Variants in TRAPPC9 observed in about 807,000 individuals in gnomAD.
TRAPPC9 encodes the protein trafficking protein particle complex subunit 9, also known as IKK2 binding protein.
In TRAPPC9, 83 loss-of-function variants were observed where a neutral mutation model predicts 124.0. That is an observed-to-expected ratio of 0.67 (90% CI 0.56 to 0.80). The LOEUF is 0.80. TRAPPC9 is among the 30% of genes least tolerant of loss of function. TRAPPC9 has a pLI of 0.00. For missense variants in TRAPPC9, 1,302 were observed against 1,508.3 expected (o/e 0.86, Z 2.27); for synonymous variants, 638 against 617.5 (o/e 1.03, Z -0.49).
rs762327341 is a variant in TRAPPC9, at chr8:140,439,340, C to A, written c.585-143G>T. On this transcript the variant is annotated intron_variant, in intron 2 of 22. Coordinates refer to ENST00000438773, the MANE Select transcript of TRAPPC9 (RefSeq NM_001160372.4). ...TCTATAATTTTAAGTCAGCAATAATCATTGCCAGTTATGTGAGCTGGAGTG... is the reference window on the plus strand; with the variant it reads ...TCTATAATTTTAAGTCAGCAATAATAATTGCCAGTTATGTGAGCTGGAGTG... 1.4e-5 allele frequency: 13 copies of A among 930,590 alleles called. No individual in the cohort carries two copies. The Admixed American group carries it at 3.0e-4, about 22-fold the overall frequency. The allele number at this position is 930,590 out of a possible 1,614,324, so 57.6% of individuals were successfully genotyped here.
At chr8:140,205,050 G>A (rs2062888698) in intron 17 of TRAPPC9, among the ~76,000 whole-genome samples, 1 of 152,092 alleles carries the variant, frequency 6.6e-6, no homozygotes, top group Admixed American at 6.6e-5. Flanking sequence ...CAGAGAAAAG[G>A]AAAGAAAAAG....
chr8:140,038,867 C>T (rs35758124), intron 17 of TRAPPC9, among the ~76,000 whole-genome samples: 73,022 of 152,110 alleles, frequency 0.48, 18,847 homozygotes, highest in Non-Finnish European at 0.59. Flanking sequence ...AAGCCACAGC[C>T]TCAGATGGCT....
At chr8:140,398,443 C>T (rs2069158086) in intron 6 of TRAPPC9, among the ~76,000 whole-genome samples, 1 of 152,018 alleles carries the variant, frequency 6.6e-6, no homozygotes, top group Non-Finnish European at 1.5e-5. Flanking sequence ...ATGATATGGA[C>T]AATGAAATGA....
chr8:140,404,775 T>C (rs78842027), intron 6 of TRAPPC9, among the ~76,000 whole-genome samples: 2,159 of 152,178 alleles, frequency 0.014, 16 homozygotes, highest in Non-Finnish European at 0.024. Flanking sequence ...TGTGTGCGTG[T>C]GTGAGCATGC....
chr8:139,964,029 C>T (rs1344400567), intron 19 of TRAPPC9, among the ~76,000 whole-genome samples: 1 of 151,912 alleles, frequency 6.6e-6, no homozygotes, highest in Non-Finnish European at 1.5e-5. Flanking sequence ...TCAAGACCAG[C>T]CTGGCTAACA....
intron 11 of TRAPPC9, among the ~76,000 whole-genome samples, chr8:140,299,070 C>T (rs2065891852): frequency 6.6e-6 from 1 of 152,192 alleles, no homozygotes; most frequent in Non-Finnish European, 1.5e-5. Context: ...CAGAGAACAC[C>T]CCTCTGAGGG....
At chr8:140,404,806 A>G (rs1005434465) in intron 6 of TRAPPC9, among the ~76,000 whole-genome samples, 1 of 147,378 alleles carries the variant, frequency 6.8e-6, no homozygotes, top group Non-Finnish European at 1.5e-5. Flanking sequence ...GTGTGTGTGA[A>G]CATGTGTGTA....
intron 17 of TRAPPC9, among the ~76,000 whole-genome samples, chr8:140,068,617 A>C (rs1473589331): frequency 6.6e-6 from 1 of 152,236 alleles, no homozygotes; most frequent in Non-Finnish European, 1.5e-5. Context: ...CCGCTAGTTA[A>C]ACAAGAATGG....
chr8:140,430,877 C>T (rs754354199), intron 4 of TRAPPC9, among the ~76,000 whole-genome samples: 3 of 151,926 alleles, frequency 2.0e-5, no homozygotes, highest in East Asian at 2.0e-4. Flanking sequence ...TGGGCTCAAG[C>T]GATCCATGCA....
intron 17 of TRAPPC9, among the ~76,000 whole-genome samples, chr8:140,169,759 GGGA>G (rs1231918603): frequency 8.6e-5 from 13 of 151,944 alleles, no homozygotes; most frequent in African/African-American, 2.7e-4. Context: ...AGCCGGGGTC[GGGA>G]GGAGGAGGAT....
chr8:139,760,403 C>T (rs561466431), intron 21 of TRAPPC9, among the ~76,000 whole-genome samples: 8 of 152,298 alleles, frequency 5.3e-5, no homozygotes, highest in South Asian at 2.1e-4. Flanking sequence ...TGGCCTGTCT[C>T]AGGCGGACAG....
At chr8:140,297,744 G>C (rs73714856) in intron 11 of TRAPPC9, among the ~76,000 whole-genome samples, 1,839 of 152,340 alleles carry the variant, frequency 0.012, 44 homozygotes, top group African/African-American at 0.043. Flanking sequence ...AGTTCAACGT[G>C]TAAGTAACCA....
intron 21 of TRAPPC9, among the ~76,000 whole-genome samples, chr8:139,820,235 C>T (rs1012669068): frequency 3.3e-5 from 5 of 151,918 alleles, no homozygotes; most frequent in African/African-American, 1.2e-4. Flanking sequence ...GGCTGGAGTG[C>T]GGTGGCACCA....
At chr8:139,977,313 T>C (rs1836542220) in intron 19 of TRAPPC9, among the ~76,000 whole-genome samples, 2 of 152,036 alleles carry the variant, frequency 1.3e-5, no homozygotes, top group South Asian at 4.2e-4. Flanking sequence ...ACAGTATCCA[T>C]GAAGTAGCTT....
intron 5 of TRAPPC9, among the ~76,000 whole-genome samples, chr8:140,418,670 G>A (rs1268412871): frequency 2.6e-5 from 4 of 152,018 alleles, no homozygotes; most frequent in African/African-American, 7.3e-5. Context: ...GCAGTGAGCC[G>A]AGATATGCAA....
At chr8:140,065,014 T>A (rs1312718921) in intron 17 of TRAPPC9, among the ~76,000 whole-genome samples, 1 of 152,188 alleles carries the variant, frequency 6.6e-6, no homozygotes, top group Non-Finnish European at 1.5e-5. Flanking sequence ...GAGCACAGAC[T>A]TCGCCCAAAG....
At chr8:140,399,237 T>C (rs1478854204) in intron 6 of TRAPPC9, among the ~76,000 whole-genome samples, 1 of 152,234 alleles carries the variant, frequency 6.6e-6, no homozygotes, top group Admixed American at 6.5e-5. Context: ...AAGGGAAATA[T>C]GGGGTTGGAG....
At chr8:140,206,153 T>A (rs1390166476) in intron 17 of TRAPPC9, among the ~76,000 whole-genome samples, 1 of 152,174 alleles carries the variant, frequency 6.6e-6, no homozygotes, top group African/African-American at 2.4e-5. Flanking sequence ...AGAAAAAATA[T>A]GATCATCTCA....
chr8:140,113,052 T>G (rs1414962349), intron 17 of TRAPPC9, among the ~76,000 whole-genome samples: 1 of 152,204 alleles, frequency 6.6e-6, no homozygotes, highest in Non-Finnish European at 1.5e-5. Flanking sequence ...CCACATAATT[T>G]TTCCTTTGCT....
Sources: gnomAD v4.1 joint callset for allele counts (sites outside exome capture counted in the v4.1 genomes callset) on GRCh38, gnomAD v4.1.1 for gene constraint, MANE v1.5 for transcripts, NCBI Gene and HGNC (gene_info 2026-07-23, HGNC 2026-07-21) for gene names.